KAZN: variants seen among roughly 807,000 people sequenced by gnomAD.
The protein encoded by KAZN is kazrin.
A neutral mutation model predicts 87.4 loss-of-function variants in KAZN; 40 were observed. The observed-to-expected ratio is 0.46, with a 90% CI of 0.36 to 0.60. The LOEUF (loss-of-function observed/expected upper bound fraction) is 0.60. Among genes scored for constraint, KAZN ranks in the 20% least tolerant of loss-of-function variants. The pLI is 0.00. For synonymous variants in KAZN, 466 were observed against 458.3 expected (o/e 1.02, Z -0.22); for missense variants, 898 against 1,073.9 (o/e 0.84, Z 2.29).
At chr1:13,936,206 C>T (rs1187830861) in intron 1 of KAZN, among the ~76,000 whole-genome samples, 2 of 148,600 alleles carry the variant, frequency 1.3e-5, no homozygotes, top group Non-Finnish European at 3.0e-5. Flanking sequence ...AAGCGATTCT[C>T]GTGCCTCAGC....
At chr1:14,422,241 G>C (rs1665473694) in intron 2 of KAZN, among the ~76,000 whole-genome samples, 1 of 152,212 alleles carries the variant, frequency 6.6e-6, no homozygotes. Flanking sequence ...TGTGATCTGA[G>C]TGTGCTTCAG....
At chr1:14,493,130 C>CAATGTATGTTGTTT in intron 2 of KAZN, among the ~76,000 whole-genome samples, 1 of 152,278 alleles carries the variant, frequency 6.6e-6, no homozygotes, top group East Asian at 1.9e-4. Context: ...CTCCCTCCCA[C>CAATGTATGTTGTTT]CTGATCCTTC....
intron 2 of KAZN, among the ~76,000 whole-genome samples, chr1:14,490,659 A>G (rs1669599162): frequency 6.6e-6 from 1 of 152,084 alleles, no homozygotes; most frequent in Non-Finnish European, 1.5e-5. Context: ...TCCCCAGCTA[A>G]TATTTCTATT....
intron 2 of KAZN, among the ~76,000 whole-genome samples, chr1:14,988,417 C>T (rs1420547508): frequency 6.6e-6 from 1 of 152,242 alleles, no homozygotes; most frequent in Non-Finnish European, 1.5e-5. Context: ...GACTAGGACT[C>T]ACTTAAGGAA....
At chr1:14,351,794 T>C (rs1239334902) in intron 2 of KAZN, among the ~76,000 whole-genome samples, 8 of 152,206 alleles carry the variant, frequency 5.3e-5, no homozygotes, top group African/African-American at 1.2e-4. Context: ...GTATGCAATA[T>C]ACTTGTTGAT....
chr1:14,837,404 G>A (rs969010859), intron 1 of KAZN, among the ~76,000 whole-genome samples: 2 of 152,072 alleles, frequency 1.3e-5, no homozygotes, highest in African/African-American at 4.8e-5. Context: ...TCTCCATGTG[G>A]GTCAGGCTGG....
At position 14,412,125 on chromosome 1, in the gene KAZN, G is replaced by GTAC. The variant is rs1664356817; in HGVS notation, c.250-186857_250-186855dup. ...GGGTCATAGGAAAGAGGAGGAAAGT[G>GTAC]TACAAAGAAAAGACGTGACAAACAG... On this transcript the variant is annotated intron_variant, in intron 2 of 16. Transcript: ENST00000636203. Among the ~76,000 whole-genome samples, 3 of 152,260 alleles carry GTAC rather than the reference G, an allele frequency of 2.0e-5. No individual in the cohort carries two copies. In the South Asian group the frequency reaches 6.2e-4, roughly 32 times the overall value.
intron 1 of KAZN, among the ~76,000 whole-genome samples, chr1:14,072,010 T>G (rs922790543): frequency 6.6e-6 from 1 of 152,072 alleles, no homozygotes; most frequent in Non-Finnish European, 1.5e-5. Flanking sequence ...GAATGCAGAG[T>G]TTCAGGTGGA....
chr1:14,024,787 CT>C (rs143627519), intron 1 of KAZN, among the ~76,000 whole-genome samples: 3,212 of 152,296 alleles, frequency 0.021, 109 homozygotes, highest in African/African-American at 0.072. Context: ...TCAACCTTGG[CT>C]TGCATATTAG....
chr1:14,927,881 G>GTGTC (rs1659337653), intron 1 of KAZN, among the ~76,000 whole-genome samples: 1 of 152,084 alleles, frequency 6.6e-6, no homozygotes, highest in African/African-American at 2.4e-5. Flanking sequence ...GGGCGCTTGT[G>GTGTC]TGTCTTTGTC....
chr1:14,000,667 C>T (rs1224600305), intron 1 of KAZN, among the ~76,000 whole-genome samples: 2 of 152,226 alleles, frequency 1.3e-5, no homozygotes, highest in African/African-American at 4.8e-5. Flanking sequence ...TCTCTCACCA[C>T]TCCTATTCAA....
chr1:14,924,593 G>T, intron 1 of KAZN: 1 of 1,010,062 alleles, frequency 9.9e-7, no homozygotes, highest in South Asian at 4.5e-5. Flanking sequence ...GCGGGGCGGG[G>T]CGGGGCGGGC....
At chr1:14,922,240 T>A (rs1017752971) in intron 1 of KAZN, among the ~76,000 whole-genome samples, 1 of 152,230 alleles carries the variant, frequency 6.6e-6, no homozygotes, top group South Asian at 2.1e-4. Context: ...CACTCATTTA[T>A]GTTCCCAGGC....
chr1:14,404,884 C>G (rs773966060), intron 2 of KAZN, among the ~76,000 whole-genome samples: 3 of 152,198 alleles, frequency 2.0e-5, no homozygotes, highest in Non-Finnish European at 2.9e-5. Flanking sequence ...GGAATGCTAT[C>G]TAACACCTGG....
At chr1:14,935,748 G>C (rs1660379363) in intron 1 of KAZN, among the ~76,000 whole-genome samples, 1 of 152,084 alleles carries the variant, frequency 6.6e-6, no homozygotes, top group Admixed American at 6.5e-5. Context: ...GGGCTGGTTG[G>C]CCCTTCTATG....
chr1:14,528,748 C>CAAAAAAAA, intron 2 of KAZN, among the ~76,000 whole-genome samples: 1 of 66,934 alleles, frequency 1.5e-5, no homozygotes, highest in Non-Finnish European at 2.9e-5. Context: ...GACCCTGTCT[C>CAAAAAAAA]AAAAAAAAAA....
intron 1 of KAZN, among the ~76,000 whole-genome samples, chr1:14,009,205 T>C (rs560670795): frequency 6.6e-6 from 1 of 152,362 alleles, no homozygotes; most frequent in East Asian, 1.9e-4. Flanking sequence ...ACTCATCTGT[T>C]GATAAACATT....
intron 1 of KAZN, among the ~76,000 whole-genome samples, chr1:13,929,525 A>T (rs1414211415): frequency 6.6e-6 from 1 of 152,160 alleles, no homozygotes; most frequent in Non-Finnish European, 1.5e-5. Flanking sequence ...GGTGATGCTC[A>T]CATCAATGTC....
At chr1:14,270,429 A>G (rs1355714957) in intron 2 of KAZN, among the ~76,000 whole-genome samples, 1 of 152,228 alleles carries the variant, frequency 6.6e-6, no homozygotes, top group African/African-American at 2.4e-5. Flanking sequence ...CACCTTGGGC[A>G]AAATATTTCA....
Sources: allele counts gnomAD v4.1 joint callset (sites outside exome capture counted in the v4.1 genomes callset), GRCh38; gene constraint gnomAD v4.1.1; transcripts MANE v1.5; gene names NCBI Gene and HGNC (gene_info 2026-07-23, HGNC 2026-07-21).